ANKRD26: variants seen among roughly 807,000 people sequenced by gnomAD.
The protein encoded by ANKRD26 is ankyrin repeat domain-containing protein 26.
A neutral mutation model predicts 208.7 loss-of-function variants in ANKRD26; 141 were observed. That is an observed-to-expected ratio of 0.68 (90% confidence interval 0.59 to 0.78). ANKRD26 has a LOEUF of 0.78. Among genes scored for constraint, ANKRD26 ranks in the 30% least tolerant of loss-of-function variants. ANKRD26 has a pLI of 0.00. For missense variants in ANKRD26, 1,889 were observed against 1,938.7 expected, an observed-to-expected ratio of 0.97 and a Z score of 0.48; for synonymous variants, 636 against 660.4, an observed-to-expected ratio of 0.96 and a Z score of 0.57.
At chr10:26,994,312 C>A (rs2052541357) in intron 5 of ANKRD26, among the ~76,000 whole-genome samples, 2 of 152,156 alleles carry the variant, frequency 1.3e-5, no homozygotes, top group Non-Finnish European at 2.9e-5. Context: ...CAGGAGTAAA[C>A]CTTTTGTGCC....
At chr10:26,973,645 T>C (rs2052180982), downstream of ANKRD26, among the ~76,000 whole-genome samples, 1 of 122,818 alleles carries the variant, frequency 8.1e-6, no homozygotes, top group Non-Finnish European at 1.6e-5. Flanking sequence ...GTTTTTTATT[T>C]GTCCTTTTTT....
intron 11 of ANKRD26, among the ~76,000 whole-genome samples, chr10:27,065,859 C>CTTTTT (rs767106612): frequency 0.011 from 768 of 72,960 alleles, 1 homozygote; most frequent in East Asian, 0.029. Flanking sequence ...ATAATTCTTT[C>CTTTTT]TTTTTTTTTT....
rs2056362368 is a variant in ANKRD26, at chr10:27,093,393, T to C, written c.487A>G (p.Thr163Ala). Residue 163 changes from threonine (T) to alanine (A), a missense_variant, in exon 3 of 34, where the codon ACA (threonine) becomes GCA (alanine). This residue lies in a region of ANKRD26 where 1,272 missense variants were observed against 1,273.8 expected (regional missense o/e 1.00). Coordinates refer to ENST00000376087, the MANE Select transcript of ANKRD26 (RefSeq NM_014915.3). ...AVYNEDISVA[T>A]KLLLYDANIE... Reference sequence around the variant, plus strand: ...TTTGCATCATACAAAAGCAGCTTTGTTGCTACTGATATGTCCTCATTATAG... The same window carrying C: ...TTTGCATCATACAAAAGCAGCTTTGCTGCTACTGATATGTCCTCATTATAG... 4 of 1,614,068 alleles carry C rather than the reference T, an allele frequency of 2.5e-6. No homozygotes were observed. The highest frequency in any genetic ancestry group is 1.1e-5 in the South Asian group (1 of 91,090).
intron 17 of ANKRD26, 109 bp from the exon 18 acceptor site, chr10:27,046,632 C>T: frequency 9.5e-7 from 1 of 1,055,732 alleles, no homozygotes; most frequent in East Asian, 2.6e-5. Flanking sequence ...CATTAAAAAG[C>T]CAATGTTTTC....
chr10:27,033,761 C>T (rs1220271048), intron 24 of ANKRD26, among the ~76,000 whole-genome samples: 1 of 152,222 alleles, frequency 6.6e-6, no homozygotes, highest in Non-Finnish European at 1.5e-5. Context: ...ATCAAATCAA[C>T]TTCAGAGCTC....
chr10:27,078,255 A>C (rs932288309), intron 7 of ANKRD26, among the ~76,000 whole-genome samples: 12 of 152,332 alleles, frequency 7.9e-5, no homozygotes, highest in African/African-American at 2.6e-4. Context: ...AGAGAAAAAA[A>C]CAAAAATAAT....
rs1224665694 is a variant in ANKRD26, at chr10:27,100,079, T to C, written c.242+6A>G. 1.9e-6 allele frequency: 3 copies of C among 1,613,868 alleles called. No homozygotes were observed. The highest frequency in any genetic ancestry group is 2.5e-6 in the Non-Finnish European group (3 of 1,179,940). Reference sequence around the variant, plus strand: ...GCACTCAGTCCGGGCTTGCGACGCCTATTACCTGTTCATCTTGTCTCTATC... The same window carrying C: ...GCACTCAGTCCGGGCTTGCGACGCCCATTACCTGTTCATCTTGTCTCTATC... On this transcript the variant is annotated splice_donor_region_variant and intron_variant, in intron 1 of 33. Transcript: ENST00000376087.
rs369716538 is a variant in ANKRD26, at chr10:27,059,290, A to G, written c.1564+1055T>C. ...GTACAGTAATAAAATGGAATACTATAAAGAACTTAAACCAGAGCTACTTGT... is the reference window on the plus strand; with the variant it reads ...GTACAGTAATAAAATGGAATACTATGAAGAACTTAAACCAGAGCTACTTGT... On this transcript the variant is annotated intron_variant, in intron 15 of 33. Transcript: ENST00000376087. Among the ~76,000 whole-genome samples, 5 of 152,318 alleles carry G rather than the reference A, an allele frequency of 3.3e-5. No individual in the cohort carries two copies. The South Asian group carries it at 6.2e-4, about 19-fold the overall frequency.
chr10:26,953,423 C>G, the ANKRD26 span, among the ~76,000 whole-genome samples: 1 of 152,138 alleles, frequency 6.6e-6, no homozygotes, highest in Non-Finnish European at 1.5e-5. Flanking sequence ...AAGAGTGGGA[C>G]ACTGTCTCCA....
rs12261617 is a variant in ANKRD26 at position 27,093,276 on chromosome 10, T to A, written c.531+73A>T. On this transcript the variant is annotated intron_variant, in intron 3 of 33. Transcript: ENST00000376087. ...GCTTGCGCTTCCAAATACAGAAAAC[T>A]AACCCTTACATATGTCACTGTTGAA... 44,200 of 1,423,392 alleles carry A rather than the reference T, an allele frequency of 0.031. 1,311 individuals are homozygous for A. Among genetic ancestry groups the A allele is most frequent in the African/African-American group, 0.15 (10,564 of 70,924 alleles). The allele number at this position is 1,423,392 out of a possible 1,614,324, so 88.2% of individuals were successfully genotyped here.
chr10:27,037,877 C>G lies in ANKRD26; in HGVS notation c.2553G>C (p.Leu851Phe). The G allele has an allele frequency of 3.7e-6, 6 of 1,606,374 alleles. No homozygotes were observed. Among genetic ancestry groups the G allele is most frequent in the Non-Finnish European group, 5.1e-6 (6 of 1,176,578 alleles). The change falls in exon 22 of 34, where the codon TTG becomes TTC. Residue 851 changes from leucine (L) to phenylalanine (F), a missense_variant. This residue lies in a region of ANKRD26 where 1,272 missense variants were observed against 1,273.8 expected (regional missense o/e 1.00). Transcript: ENST00000376087. ...EMELRTVKSN[L>F]NQVVQERNDA... Reference sequence around the variant, plus strand: ...TTATCAAAAATTAATTTACCTGATTCAAATTACTTTTTACAGTCCTCAATT... The same window carrying G: ...TTATCAAAAATTAATTTACCTGATTGAAATTACTTTTTACAGTCCTCAATT...
At chr10:27,054,827 G>A (rs964040765) in intron 15 of ANKRD26, among the ~76,000 whole-genome samples, 1 of 152,132 alleles carries the variant, frequency 6.6e-6, no homozygotes, top group African/African-American at 2.4e-5. Context: ...AAAGGGGAAA[G>A]GGCTAAAGAT....
At chr10:27,089,380 T>C (rs1004787535) in intron 4 of ANKRD26, among the ~76,000 whole-genome samples, 1 of 152,148 alleles carries the variant, frequency 6.6e-6, no homozygotes, top group Non-Finnish European at 1.5e-5. Context: ...AATAACCAAC[T>C]AGAAAAATTA....
At position 27,006,845 on chromosome 10, in the gene ANKRD26, C is replaced by G. The variant is rs564413255; in HGVS notation, c.4999+72G>C. The G allele has an allele frequency of 1.0e-4, 126 of 1,239,666 alleles. No individual in the cohort carries two copies. The African/African-American group carries it at 1.8e-3, about 17-fold the overall frequency. The allele number at this position is 1,239,666 out of a possible 1,614,324, so 76.8% of individuals were successfully genotyped here. ...AGCCAAACAATGGAAAGGGATCCCA[C>G]TCACGATTTACAATTTATTTCAGAA... is the stretch of plus-strand genomic sequence containing the variant. On this transcript the variant is annotated intron_variant, in intron 33 of 33. Coordinates refer to ENST00000376087, the MANE Select transcript of ANKRD26 (RefSeq NM_014915.3).
chr10:27,060,682 G>C (rs906539998), intron 13 of ANKRD26, 142 bp from the exon 14 acceptor site: 9 of 699,606 alleles, frequency 1.3e-5, no homozygotes, highest in Non-Finnish European at 2.2e-5. Flanking sequence ...TTTTTATTTT[G>C]GTTAGGACAG....
At chr10:26,983,984 T>C (rs1429234586) in intron 3 of ANKRD26, among the ~76,000 whole-genome samples, 1 of 152,200 alleles carries the variant, frequency 6.6e-6, no homozygotes, top group Non-Finnish European at 1.5e-5. Context: ...GGCATCTTTT[T>C]GGAATCTGTG....
rs2054680144 is a variant in ANKRD26 at position 27,052,026 on chromosome 10, TTA to T, written c.1635+1292_1635+1293del. On this transcript the variant is annotated intron_variant, in intron 16 of 33. Transcript: ENST00000376087. ...AGATACATCCTCTCTATCACACTCC[TTA>T]TTCAGTTCTGGTTCTTGAGACATCT... 7.1e-6 allele frequency: 7 copies of T among 985,404 alleles called. No homozygotes were observed. The South Asian group carries it at 2.8e-4, about 40-fold the overall frequency. The allele number at this position is 985,404 out of a possible 1,614,324, so 61.0% of individuals were successfully genotyped here. A position where few individuals can be genotyped will look rare whatever the true frequency, so the allele number is the denominator to read the frequency against.
chr10:27,034,834 T>A lies in ANKRD26; in HGVS notation c.3616A>T (p.Arg1206Ter). 1 of 1,611,434 alleles carries A rather than the reference T, an allele frequency of 6.2e-7. No individual in the cohort carries two copies. The highest frequency in any genetic ancestry group is 8.5e-7 in the Non-Finnish European group (1 of 1,179,282). The change falls in exon 24 of 34, where the codon AGA becomes TGA. Residue 1206 changes from arginine to a stop codon, truncating the protein, a stop_gained. Transcript: ENST00000376087. LOFTEE classifies it high-confidence loss of function. ...LISECNHLKERQYQYENEKAE... is the reference protein window; with the variant it reads ...LISECNHLKE Reference sequence around the variant, plus strand: ...TTTTCATTTTCATATTGATACTGTCTTTCTTTTAAGTGATTACATTCACTG... The same window carrying A: ...TTTTCATTTTCATATTGATACTGTCATTCTTTTAAGTGATTACATTCACTG...
the ANKRD26 span, among the ~76,000 whole-genome samples, chr10:26,958,479 T>C: frequency 6.6e-6 from 1 of 152,076 alleles, no homozygotes; most frequent in Non-Finnish European, 1.5e-5. Flanking sequence ...GTGTGTGTTG[T>C]TCCCCCCAGT....
Sources: allele counts gnomAD v4.1 joint callset (sites outside exome capture counted in the v4.1 genomes callset), GRCh38; gene constraint gnomAD v4.1.1; regional missense constraint gnomAD v4.1.1; transcripts MANE v1.5; gene names NCBI Gene and HGNC (gene_info 2026-07-23, HGNC 2026-07-21).